Variants in PLXND1 observed in about 807,000 individuals in gnomAD.
PLXND1 encodes the protein plexin-D1.
Under a neutral mutation model 197.7 loss-of-function variants are expected in PLXND1, and 54 were observed. The observed-to-expected ratio is 0.27, with a 90% confidence interval of 0.22 to 0.34. PLXND1 has a LOEUF of 0.34. Ranked by LOEUF, PLXND1 falls within the 10% of genes least tolerant of loss-of-function variation. PLXND1 has a pLI of 1.00. For synonymous variants in PLXND1, 1,180 were observed against 1,161.2 expected, an observed-to-expected ratio of 1.02 and a Z score of -0.33; for missense variants, 2,127 against 2,699.2, an observed-to-expected ratio of 0.79 and a Z score of 4.70.
Position 129,606,624 on chromosome 3 carries a change from C to T in PLXND1, c.16G>A (p.Ala6Thr). ...CGGGCGCTAAGGGGTGCGCCGCCCGCGGCGCGAGGAGCCATCCGGGCGTGC... is the reference window on the plus strand; with the variant it reads ...CGGGCGCTAAGGGGTGCGCCGCCCGTGGCGCGAGGAGCCATCCGGGCGTGC... MAPRA[A>T]GGAPLSARAA... is the part of the protein sequence containing the mutation. Residue 6 changes from alanine to threonine, a missense_variant, in exon 1 of 36, where the codon GCG becomes ACG. Ala to Thr is a moderately conservative substitution (Grantham distance 58). This residue lies in a region of PLXND1 where 245 missense variants were observed against 267.1 expected (regional missense o/e 0.92). Coordinates refer to ENST00000324093, the MANE Select transcript of PLXND1 (RefSeq NM_015103.3). 8.8e-7 allele frequency: 1 copy of T among 1,136,618 alleles called. No individual in the cohort carries two copies. The highest frequency in any genetic ancestry group is 1.1e-6 in the Non-Finnish European group (1 of 928,118). 70.4% of individuals were successfully genotyped at this position (1,136,618 alleles called of 1,614,324 possible).
chr3:129,589,397 T>C lies in PLXND1; in HGVS notation c.1442A>G (p.Asn481Ser). The change falls in exon 2 of 36, where the codon AAC becomes AGC. Residue 481 changes from asparagine to serine, a missense_variant. Coordinates refer to ENST00000324093, the MANE Select transcript of PLXND1 (RefSeq NM_015103.3). Reference sequence around the variant, plus strand: ...CGTGCCCAGGAAGACCGCTGTGTAGTTGTTGACGCTGGCCACGGCCACGGA... The same window carrying C: ...CGTGCCCAGGAAGACCGCTGTGTAGCTGTTGACGCTGGCCACGGCCACGGA... ...LTSVAVASVN[N>S]YTAVFLGTVN... The C allele has an allele frequency of 3.2e-6, 5 of 1,551,118 alleles. No homozygotes were observed. Among genetic ancestry groups the C allele is most frequent in the Non-Finnish European group, 3.5e-6 (4 of 1,142,792 alleles).
At chr3:129,559,485 C>T (rs543692601) in intron 32 of PLXND1, 135 bp downstream of exon 32, 10 of 680,544 alleles carry the variant, frequency 1.5e-5, no homozygotes, top group South Asian at 2.1e-5. Flanking sequence ...GTCACTCATC[C>T]GAGAACACAC....
chr3:129,602,275 T>G (rs1036389184), intron 1 of PLXND1, among the ~76,000 whole-genome samples: 1 of 152,096 alleles, frequency 6.6e-6, no homozygotes, highest in Non-Finnish European at 1.5e-5. Context: ...CCAAGGACGG[T>G]CTCCCCAGGC....
intron 31 of PLXND1, 137 bp downstream of exon 31, chr3:129,560,193 C>A: frequency 1.6e-6 from 1 of 631,968 alleles, no homozygotes; most frequent in Non-Finnish European, 2.9e-6. Flanking sequence ...GCCCCTCCAG[C>A]CCCACAGGGG....
At chr3:129,602,375 C>T (rs1342860649) in intron 1 of PLXND1, among the ~76,000 whole-genome samples, 1 of 152,234 alleles carries the variant, frequency 6.6e-6, no homozygotes, top group Non-Finnish European at 1.5e-5. Flanking sequence ...GCACAGGCTG[C>T]TCCCTTTGCC....
chr3:129,592,812 A>C (rs1344297126), intron 1 of PLXND1, among the ~76,000 whole-genome samples: 3 of 152,172 alleles, frequency 2.0e-5, no homozygotes, highest in Non-Finnish European at 2.9e-5. Flanking sequence ...CTGCCAGGGG[A>C]AATCACAAGG....
At chr3:129,584,327 G>T in intron 6 of PLXND1, 58 bp downstream of exon 6, 1 of 1,600,196 alleles carries the variant, frequency 6.2e-7, no homozygotes, top group Non-Finnish European at 8.6e-7. Flanking sequence ...CCATCCCCAT[G>T]CCTGACAGTC....
chr3:129,590,195 G>C (rs2085519114), intron 1 of PLXND1, among the ~76,000 whole-genome samples: 1 of 152,158 alleles, frequency 6.6e-6, no homozygotes, highest in African/African-American at 2.4e-5. Context: ...CAGGCTGGGT[G>C]TGTCTGAATG....
At chr3:129,595,527 G>C (rs1156741236) in intron 1 of PLXND1, among the ~76,000 whole-genome samples, 1 of 152,236 alleles carries the variant, frequency 6.6e-6, no homozygotes, top group East Asian at 1.9e-4. Context: ...TAGCCACAGA[G>C]GAAAAGCAGC....
intron 24 of PLXND1, 72 bp from the exon 25 acceptor site, chr3:129,565,610 G>T: frequency 3.0e-6 from 4 of 1,333,758 alleles, no homozygotes; most frequent in Non-Finnish European, 3.2e-6. Context: ...TCTCAGTGCC[G>T]CCTCATCCCC....
intron 1 of PLXND1, among the ~76,000 whole-genome samples, chr3:129,592,077 C>T (rs1251341432): frequency 6.6e-6 from 1 of 152,218 alleles, no homozygotes; most frequent in Non-Finnish European, 1.5e-5. Context: ...TCTGGCCTGG[C>T]CGCTCCCTCT....
At position 129,557,331 on chromosome 3, in the gene PLXND1, G is replaced by A. The variant is rs1209339269; in HGVS notation, c.5446-108C>T. The A allele has an allele frequency of 9.7e-6, 12 of 1,234,716 alleles. No homozygotes were observed. Among genetic ancestry groups the A allele is most frequent in the South Asian group, 1.4e-5 (1 of 71,782 alleles). 76.5% of individuals were successfully genotyped at this position (1,234,716 alleles called of 1,614,324 possible). ...CCTGCCACATAAGTGACCTTAGCAG[G>A]CCCCCGAGGCCCAAAGAGTCTCACC... On this transcript the variant is annotated intron_variant, in intron 33 of 35. Transcript: ENST00000324093. This position sits in a 1 kb window ranked among gnomAD's most constrained non-coding sequence, Gnocchi z 4.8.
intron 25 of PLXND1, among the ~76,000 whole-genome samples, chr3:129,564,535 G>T (rs1322415197): frequency 6.6e-6 from 1 of 152,220 alleles, no homozygotes; most frequent in Non-Finnish European, 1.5e-5. Context: ...CTGGGCTCCA[G>T]GCAGGCCTTT....
intron 30 of PLXND1, 47 bp from the exon 31 acceptor site, chr3:129,560,481 GGCCGCCT>G: frequency 1.5e-6 from 2 of 1,331,504 alleles, no homozygotes; most frequent in Middle Eastern, 4.2e-4. Context: ...CCCCATCCTC[GGCCGCCT>G]GTGGGAGGTC....
chr3:129,575,670 A>G lies in PLXND1; in HGVS notation c.2436+96T>C, dbSNP rs138487220. The stretch of plus-strand genomic sequence containing the variant: ...AGTTGGGGCTGCTGGGGATGGGGGA[A>G]CCAGAAGGTAGAGAGAGGCAGGGTG... On this transcript the variant is annotated intron_variant, in intron 10 of 35. Coordinates refer to ENST00000324093, the MANE Select transcript of PLXND1 (RefSeq NM_015103.3). 7.6e-5 allele frequency: 92 copies of G among 1,217,620 alleles called. No individual in the cohort carries two copies. In the East Asian group the frequency reaches 2.2e-3, roughly 29 times the overall value. 75.4% of individuals were successfully genotyped at this position (1,217,620 alleles called of 1,614,324 possible).
chr3:129,588,357 CG>C (rs1431461270), intron 2 of PLXND1, among the ~76,000 whole-genome samples: 3 of 139,976 alleles, frequency 2.1e-5, no homozygotes, highest in Non-Finnish European at 4.6e-5. Context: ...TCATGGGTGT[CG>C]GGGGTGGGGG....
chr3:129,558,394 G>C lies in PLXND1; in HGVS notation c.5445+34C>G. 1 of 1,600,472 alleles carries C rather than the reference G, an allele frequency of 6.2e-7. No individual in the cohort carries two copies. Among genetic ancestry groups the C allele is most frequent in the Admixed American group, 1.7e-5 (1 of 59,758 alleles). ...GGTCGGCACCCCACTCTGGCCCTGT[G>C]CATGGGCCTGGCCTGGTCCTGGGAA... is the stretch of plus-strand genomic sequence containing the variant. On this transcript the variant is annotated intron_variant, in intron 33 of 35. Transcript: ENST00000324093. The surrounding 1 kb of genome is among the most constrained non-coding windows in gnomAD (Gnocchi z 4.1).
intron 7 of PLXND1, 110 bp from the exon 8 acceptor site, chr3:129,583,779 C>T (rs2085418465): frequency 1.4e-6 from 1 of 718,438 alleles, no homozygotes; most frequent in African/African-American, 1.8e-5. Flanking sequence ...AGGTCTTTCT[C>T]ATCATCGGGG....
rs1273132717 is a variant in PLXND1 at position 129,570,869 on chromosome 3, C to T, written c.3667G>A (p.Asp1223Asn). The T allele has an allele frequency of 6.2e-6, 10 of 1,614,170 alleles. No homozygotes were observed. Among genetic ancestry groups the T allele is most frequent in the South Asian group, 1.1e-5 (1 of 91,086 alleles). Residue 1223 changes from aspartate to asparagine, a missense_variant, in exon 19 of 36, where the codon GAC becomes AAC. Physicochemically the swap from Asp to Asn is conservative, Grantham distance 23 (BLOSUM62 1). Around this residue, in one of 6 missense-constraint regions of PLXND1, gnomAD observed 532 missense variants for 811.0 expected, o/e 0.66. Coordinates refer to ENST00000324093, the MANE Select transcript of PLXND1 (RefSeq NM_015103.3). ...YRVKIGQVSCDIQIVSDRIIH... is the reference protein window; with the variant it reads ...YRVKIGQVSCNIQIVSDRIIH... ...ATTCTGTCAGAGACAATCTGGATGT[C>T]GCAGCTTACTTGGCCTATCTTGACC...
Sources: allele counts gnomAD v4.1 joint callset (sites outside exome capture counted in the v4.1 genomes callset), GRCh38; gene constraint gnomAD v4.1.1; regional missense constraint gnomAD v4.1.1; non-coding constraint Gnocchi (gnomAD v3.1); transcripts MANE v1.5; gene names NCBI Gene and HGNC (gene_info 2026-07-23, HGNC 2026-07-21).